CFAP299: variants seen among roughly 807,000 people sequenced by gnomAD.
CFAP299 encodes the protein cilia and flagella associated protein 299.
CFAP299 carries 21 observed loss-of-function variants against 27.0 expected under a neutral mutation model. The observed-to-expected ratio is 0.78, with a 90% confidence interval of 0.55 to 1.12. CFAP299 has a LOEUF of 1.12. Ranked by LOEUF, CFAP299 falls within the 50% of genes most tolerant of loss-of-function variation. The pLI is 0.00. For synonymous variants in CFAP299, 104 were observed against 98.1 expected, an observed-to-expected ratio of 1.06 and a Z score of -0.36; for missense variants, 310 against 276.6, an observed-to-expected ratio of 1.12 and a Z score of -0.86.
At chr4:80,669,239 C>T (rs1741331780) in intron 3 of CFAP299, among the ~76,000 whole-genome samples, 1 of 140,326 alleles carries the variant, frequency 7.1e-6, no homozygotes, top group East Asian at 2.3e-4. Context: ...CAATTCAATG[C>T]AACCCCCACC....
At chr4:80,369,590 T>C (rs1178990450) in intron 2 of CFAP299, among the ~76,000 whole-genome samples, 1 of 152,138 alleles carries the variant, frequency 6.6e-6, no homozygotes, top group Non-Finnish European at 1.5e-5. Flanking sequence ...CATGTATTCT[T>C]CCCTATCCCC....
intron 2 of CFAP299, among the ~76,000 whole-genome samples, chr4:80,556,078 T>C (rs1277259263): frequency 6.6e-6 from 1 of 152,110 alleles, no homozygotes. Context: ...ATTGTTTTTG[T>C]CTTCCATTAG....
intron 2 of CFAP299, among the ~76,000 whole-genome samples, chr4:80,562,044 T>G (rs1735058646): frequency 6.6e-6 from 1 of 152,256 alleles, no homozygotes; most frequent in South Asian, 2.1e-4. Flanking sequence ...GTTTTCTTTT[T>G]GCTTGTTTAT....
intron 2 of CFAP299, among the ~76,000 whole-genome samples, chr4:80,470,051 G>C (rs1030122519): frequency 6.6e-6 from 1 of 152,000 alleles, no homozygotes; most frequent in Non-Finnish European, 1.5e-5. Flanking sequence ...CCTCTCTGTG[G>C]TCATCAGCTA....
intron 5 of CFAP299, among the ~76,000 whole-genome samples, chr4:80,960,032 C>A (rs1414907982): frequency 2.3e-4 from 35 of 150,460 alleles, no homozygotes; most frequent in Admixed American, 2.3e-3. Context: ...AGGGATGTAA[C>A]AAATTCAATA....
intron 3 of CFAP299, among the ~76,000 whole-genome samples, chr4:80,799,891 A>G (rs1234062268): frequency 2.4e-5 from 1 of 41,468 alleles, no homozygotes; most frequent in Non-Finnish European, 3.9e-5. Context: ...TATAATATAT[A>G]AATTATATAT....
intron 3 of CFAP299, among the ~76,000 whole-genome samples, chr4:80,629,600 C>T (rs913681886): frequency 2.5e-4 from 38 of 152,086 alleles, no homozygotes; most frequent in African/African-American, 9.2e-4. Context: ...AAAAAATTGG[C>T]CAAGTGCAGT....
chr4:80,588,708 CAA>C (rs980204896), intron 3 of CFAP299, among the ~76,000 whole-genome samples: 5 of 151,758 alleles, frequency 3.3e-5, no homozygotes, highest in African/African-American at 1.2e-4. Flanking sequence ...CTGACAGAAT[CAA>C]GACAGCCAAT....
Position 80,471,018 on chromosome 4 carries a change from T to C in CFAP299, c.242+108134T>C, listed in dbSNP as rs147292985. Reference sequence around the variant, plus strand: ...GAACTGTACTAAATGCTTTTGTGTATTGAGTCATGTAATTATCCACAGAAT... The same window carrying C: ...GAACTGTACTAAATGCTTTTGTGTACTGAGTCATGTAATTATCCACAGAAT... On this transcript the variant is annotated intron_variant, in intron 2 of 5. Coordinates refer to ENST00000358105, the MANE Select transcript of CFAP299 (RefSeq NM_152770.3). Among the ~76,000 whole-genome samples, 610 of 152,322 alleles carry C rather than the reference T, an allele frequency of 4.0e-3. 5 individuals are homozygous for C. The highest frequency in any genetic ancestry group is 6.6e-3 in the South Asian group (32 of 4,826).
At chr4:80,947,266 T>G (rs1378771603) in intron 5 of CFAP299, among the ~76,000 whole-genome samples, 1 of 152,170 alleles carries the variant, frequency 6.6e-6, no homozygotes, top group Non-Finnish European at 1.5e-5. Flanking sequence ...TAATGAGTGG[T>G]AAGAGTAAGA....
chr4:80,851,896 CGATAT>C (rs70956070), intron 3 of CFAP299, among the ~76,000 whole-genome samples: 18,831 of 151,890 alleles, frequency 0.12, 1,323 homozygotes, highest in Middle Eastern at 0.25. Context: ...AAAACCCTGG[CGATAT>C]GATTTGTCAG....
At chr4:80,692,872 A>C (rs1329582672) in intron 3 of CFAP299, among the ~76,000 whole-genome samples, 6 of 152,134 alleles carry the variant, frequency 3.9e-5, no homozygotes, top group Non-Finnish European at 8.8e-5. Context: ...CAACCCCATC[A>C]AAAAGTGGGT....
chr4:80,398,787 C>T (rs912725207), intron 2 of CFAP299, among the ~76,000 whole-genome samples: 7 of 152,130 alleles, frequency 4.6e-5, no homozygotes, highest in Non-Finnish European at 7.3e-5. Context: ...TGGGCAAGGA[C>T]TTCATGTCTA....
At chr4:80,659,449 G>A (rs1740723688) in intron 3 of CFAP299, among the ~76,000 whole-genome samples, 1 of 151,934 alleles carries the variant, frequency 6.6e-6, no homozygotes, top group Admixed American at 6.6e-5. Flanking sequence ...CTTATAATTT[G>A]CAAGAGAAAG....
At chr4:80,377,291 T>TTTAAA (rs1307045717) in intron 2 of CFAP299, among the ~76,000 whole-genome samples, 18 of 152,144 alleles carry the variant, frequency 1.2e-4, no homozygotes, top group African/African-American at 4.3e-4. Flanking sequence ...TTTAAACTAA[T>TTTAAA]TTTGTAAATT....
intron 4 of CFAP299, 180 bp downstream of exon 4, chr4:80,870,315 T>G: frequency 8.0e-7 from 1 of 1,254,604 alleles, no homozygotes; most frequent in Admixed American, 3.9e-5. Context: ...GTTTTTCCTT[T>G]AACAGCCTGA....
intron 4 of CFAP299, among the ~76,000 whole-genome samples, chr4:80,917,326 T>C (rs910848868): frequency 2.0e-5 from 3 of 152,186 alleles, no homozygotes; most frequent in Admixed American, 2.0e-4. Flanking sequence ...ATGGATTAGT[T>C]CAGTTGTTTT....
intron 4 of CFAP299, among the ~76,000 whole-genome samples, chr4:80,927,987 T>A (rs1736388507): frequency 6.6e-6 from 1 of 152,130 alleles, no homozygotes; most frequent in Non-Finnish European, 1.5e-5. Flanking sequence ...CACTTAAACT[T>A]GATAACGTAT....
At chr4:80,848,773 C>CT (rs1279493074) in intron 3 of CFAP299, among the ~76,000 whole-genome samples, 3 of 151,944 alleles carry the variant, frequency 2.0e-5, no homozygotes, top group African/African-American at 7.3e-5. Context: ...AATACCCTGT[C>CT]TCAAAAAAAC....
Sources: gnomAD v4.1 joint callset for allele counts (sites outside exome capture counted in the v4.1 genomes callset) on GRCh38, gnomAD v4.1.1 for gene constraint, MANE v1.5 for transcripts, NCBI Gene and HGNC (gene_info 2026-07-23, HGNC 2026-07-21) for gene names.